Variants in USP7 observed in about 807,000 individuals in gnomAD.
The protein encoded by USP7 is ubiquitin specific peptidase 7, also known as ubiquitin C-terminal hydrolase 7.
A neutral mutation model predicts 162.9 loss-of-function variants in USP7; 9 were observed. That is an observed-to-expected ratio of 0.06 (90% confidence interval 0.03 to 0.10). The LOEUF (loss-of-function observed/expected upper bound fraction) is 0.10. Ranked by LOEUF, USP7 falls within the 10% of genes least tolerant of loss-of-function variation. The pLI is 1.00. For synonymous variants in USP7, 562 were observed against 475.9 expected (o/e 1.18, Z -2.35); for missense variants, 715 against 1,373.7 (o/e 0.52, Z 7.58).
Position 8,916,429 on chromosome 16 carries a change from A to C in USP7, c.906+73T>G. On this transcript the variant is annotated intron_variant, in intron 8 of 30. Transcript: ENST00000344836. ...TTTTCTGAATTAGGTCTGAGGTTTTACTTGGTAATAACTTCTGACCATGCT... is the reference window on the plus strand; with the variant it reads ...TTTTCTGAATTAGGTCTGAGGTTTTCCTTGGTAATAACTTCTGACCATGCT... 2.0e-6 allele frequency: 3 copies of C among 1,472,424 alleles called. No individual in the cohort carries two copies. The South Asian group carries it at 3.8e-5, about 19-fold the overall frequency. The allele number at this position is 1,472,424 out of a possible 1,614,324, so 91.2% of individuals were successfully genotyped here.
intron 1 of USP7, among the ~76,000 whole-genome samples, chr16:8,931,637 ATT>A (rs1163723868): frequency 6.6e-6 from 1 of 152,260 alleles, no homozygotes; most frequent in Non-Finnish European, 1.5e-5. Context: ...TCAAGTTCGG[ATT>A]CAAAACATTT....
At chr16:8,921,074 T>C in intron 4 of USP7, 83 bp downstream of exon 4, 2 of 1,458,112 alleles carry the variant, frequency 1.4e-6, no homozygotes, top group Non-Finnish European at 1.9e-6. Flanking sequence ...CTAAAATCAA[T>C]AAAGGACTTG....
rs1555461672 is a variant in USP7, at chr16:8,897,726, A to AATATATATATATATAT, written c.2718+618_2719-628dup. On this transcript the variant is annotated intron_variant, in intron 25 of 30. Transcript: ENST00000344836. Reference sequence around the variant, plus strand: ...AAAAAAAAAAAAAAAAAAAAAAAAAAATATATATATATATATATATAAATG... The same window carrying AATATATATATATATAT: ...AAAAAAAAAAAAAAAAAAAAAAAAAAATATATATATATATATATATATATATATATATATATAAATG... 3.8e-3 allele frequency among the ~76,000 whole-genome samples: 27 copies of AATATATATATATATAT among 7,134 alleles called. 1 individual carries two copies. Among genetic ancestry groups the AATATATATATATATAT allele is most frequent in the Admixed American group, 9.4e-3 (3 of 318 alleles). 4.7% of individuals were successfully genotyped at this position (7,134 alleles called of 152,430 possible). A position where few individuals can be genotyped will look rare whatever the true frequency, so the allele number is the denominator to read the frequency against.
chr16:8,906,675 A>C, intron 12 of USP7, 93 bp from the exon 13 acceptor site: 5 of 1,280,548 alleles, frequency 3.9e-6, no homozygotes, highest in Non-Finnish European at 5.3e-6. Flanking sequence ...GTACTGGCTC[A>C]TCTTTAATAG....
chr16:8,895,244 G>A (rs557035647), intron 27 of USP7, 94 bp from the exon 28 acceptor site: 23 of 1,579,614 alleles, frequency 1.5e-5, no homozygotes, highest in Middle Eastern at 2.0e-4. Context: ...AACCCGGAGG[G>A]TAAAGCCTAT....
intron 1 of USP7, among the ~76,000 whole-genome samples, chr16:8,931,372 G>C (rs1328247193): frequency 6.6e-6 from 1 of 152,106 alleles, no homozygotes; most frequent in Non-Finnish European, 1.5e-5. Context: ...ATTTTTAGTA[G>C]AGATGTGGTT....
intron 26 of USP7, 147 bp downstream of exon 26, chr16:8,896,852 G>A (rs2061688943): frequency 1.4e-6 from 1 of 724,326 alleles, no homozygotes; most frequent in Non-Finnish European, 2.5e-6. Flanking sequence ...CTGTGCAACT[G>A]TCTTTGCAAT....
At chr16:8,899,903 T>G in intron 21 of USP7, 146 bp from the exon 22 acceptor site, 1 of 946,370 alleles carries the variant, frequency 1.1e-6, no homozygotes, top group African/African-American at 1.6e-5. Flanking sequence ...GGGCCAGGCA[T>G]CTGCCTGAGC....
intron 22 of USP7, 26 bp from the exon 23 acceptor site, chr16:8,899,214 ATT>A (rs768178650): frequency 2.0e-5 from 32 of 1,612,028 alleles, no homozygotes; most frequent in Admixed American, 1.3e-4. Context: ...GAAGGTTCAC[ATT>A]TTGGGGAAAA....
intron 12 of USP7, 101 bp from the exon 13 acceptor site, chr16:8,906,683 TAGGA>T (rs2061865738): frequency 3.3e-6 from 4 of 1,223,420 alleles, no homozygotes; most frequent in Non-Finnish European, 4.5e-6. Context: ...TCATCTTTAA[TAGGA>T]TAAGCATGAA....
In USP7 at chr16:8,900,888, G is replaced by A. The variant is rs574505271; in HGVS notation, c.2208+102C>T. The A allele has an allele frequency of 5.1e-6, 6 of 1,184,762 alleles. No homozygotes were observed. The Admixed American group carries it at 1.6e-4, about 31-fold the overall frequency. 73.4% of individuals were successfully genotyped at this position (1,184,762 alleles called of 1,614,324 possible). A position where few individuals can be genotyped will look rare whatever the true frequency, so the allele number is the denominator to read the frequency against. On this transcript the variant is annotated intron_variant, in intron 20 of 30. Coordinates refer to ENST00000344836, the MANE Select transcript of USP7 (RefSeq NM_003470.3). ...GATCATCTGAGGCCCTGAGTTAGCT[G>A]GTAGACCTAACACTGTAACAAATTC...
chr16:8,894,330 T>C (rs969213293), intron 30 of USP7, among the ~76,000 whole-genome samples: 1 of 152,140 alleles, frequency 6.6e-6, no homozygotes, highest in Non-Finnish European at 1.5e-5. Flanking sequence ...CCTGCACACA[T>C]ATCCAAGCTT....
intron 1 of USP7, chr16:8,949,453 T>C (rs1038614249): frequency 6.6e-6 from 1 of 152,182 alleles, no homozygotes; most frequent in Non-Finnish European, 1.5e-5. Context: ...AAAAGCAAAG[T>C]AACACAACAC....
In USP7 at chr16:8,906,543, C is replaced by T. The variant is rs2061863277; in HGVS notation, c.1311G>A (p.Leu437=). 2 of 1,613,278 alleles carry T rather than the reference C, an allele frequency of 1.2e-6. No individual in the cohort carries two copies. Among genetic ancestry groups the T allele is most frequent in the Non-Finnish European group, 1.7e-6 (2 of 1,179,880 alleles). Residue 437 remains leucine (L), a synonymous_variant, in exon 13 of 31, where the codon TTG becomes TTA. Coordinates refer to ENST00000344836, the MANE Select transcript of USP7 (RefSeq NM_003470.3). ...CAGGGTCCTTAGGATCTGTTTTTTG[C>T]AAAAATTCATCAAGTGGTAACTGCT... is the stretch of plus-strand genomic sequence containing the variant. ...FPEQLPLDEF[L]QKTDPKDPAN...
chr16:8,941,885 CT>C (rs1899062347), intron 1 of USP7, among the ~76,000 whole-genome samples: 1 of 152,182 alleles, frequency 6.6e-6, no homozygotes, highest in Non-Finnish European at 1.5e-5. Flanking sequence ...CTGGTGCTCA[CT>C]AGGAAGTGGG....
chr16:8,936,936 T>C lies in USP7; in HGVS notation c.80-6539A>G, dbSNP rs191528022. On this transcript the variant is annotated intron_variant, in intron 1 of 30. Transcript: ENST00000344836. ...AACACTGTATCAAACACTGGTGATATAAATTGTTAACAACCCGAGAAAGTC... is the reference window on the plus strand; with the variant it reads ...AACACTGTATCAAACACTGGTGATACAAATTGTTAACAACCCGAGAAAGTC... Among the ~76,000 whole-genome samples the C allele has an allele frequency of 3.2e-4, 48 of 152,310 alleles. No individual in the cohort carries two copies. In the East Asian group the frequency reaches 7.7e-3, roughly 25 times the overall value.
intron 1 of USP7, among the ~76,000 whole-genome samples, chr16:8,943,513 C>T (rs1899140220): frequency 1.3e-5 from 2 of 152,018 alleles, no homozygotes; most frequent in African/African-American, 2.4e-5. Flanking sequence ...GGATCAACAC[C>T]GAGAATGCAG....
At chr16:8,911,510 GGAAAAACGC>G (rs1457745156) in intron 10 of USP7, among the ~76,000 whole-genome samples, 3 of 152,202 alleles carry the variant, frequency 2.0e-5, no homozygotes, top group Admixed American at 2.0e-4. Flanking sequence ...CGGTCATGAA[GGAAAAACGC>G]AACTGCACAA....
chr16:8,917,279 T>C, intron 6 of USP7, 123 bp from the exon 7 acceptor site: 1 of 1,205,244 alleles, frequency 8.3e-7, no homozygotes, highest in Non-Finnish European at 1.1e-6. Context: ...CTAAGGTTGT[T>C]GTTAGGGCTT....
Sources: allele counts gnomAD v4.1 joint callset (sites outside exome capture counted in the v4.1 genomes callset), GRCh38; gene constraint gnomAD v4.1.1; transcripts MANE v1.5; gene names NCBI Gene and HGNC (gene_info 2026-07-23, HGNC 2026-07-21).